HIRIP3: variants seen among roughly 807,000 people sequenced by gnomAD.
HIRIP3 encodes HIRA interacting protein 3.
Under a neutral mutation model 50.3 loss-of-function variants are expected in HIRIP3, and 40 were observed. The observed-to-expected ratio is 0.79, with a 90% CI of 0.62 to 1.03. The LOEUF (loss-of-function observed/expected upper bound fraction) is 1.03, where lower values mean the gene tolerates loss of function less well. HIRIP3 is among the 50% of genes least tolerant of loss of function. The probability of loss-of-function intolerance (pLI) is 0.00; values close to 1 mark genes in which losing one functional copy is unlikely to be tolerated. For missense variants in HIRIP3, 765 were observed against 705.4 expected (o/e 1.08, Z -0.96); for synonymous variants, 318 against 261.6 (o/e 1.22, Z -2.08).
Position 29,994,008 on chromosome 16 carries a change from C to T in HIRIP3, c.1137G>A (p.Gln379=), listed in dbSNP as rs1029292458. 3.7e-6 allele frequency: 6 copies of T among 1,600,480 alleles called. No homozygotes were observed. The highest frequency in any genetic ancestry group is 1.7e-6 in the Non-Finnish European group (2 of 1,172,978). The change falls in exon 4 of 7, where the codon CAG becomes CAA. Residue 379 remains glutamine, a synonymous_variant. Transcript: ENST00000279392. ...TGGAAGAGCGGTTCTTCCTCTCCCCCTGGGGGCCTCCCCCTGCCTCGCTGT... is the reference window on the plus strand; with the variant it reads ...TGGAAGAGCGGTTCTTCCTCTCCCCTTGGGGGCCTCCCCCTGCCTCGCTGT... The part of the protein sequence containing the change: ...VSDSEAGGGP[Q]GERKNRSSKK...
chr16:29,995,423 G>C lies in HIRIP3; in HGVS notation c.106C>G (p.His36Asp). ...GGCTCCAGGTGGCTGCGGCCCGAGTGAGCTAAGTACCTCCGCCGCACGATG... is the reference window on the plus strand; with the variant it reads ...GGCTCCAGGTGGCTGCGGCCCGAGTCAGCTAAGTACCTCCGCCGCACGATG... The part of the protein sequence containing the change: ...HSIVRRRYLA[H>D]SGRSHLEPEE... Residue 36 changes from histidine to aspartate, a missense_variant, in exon 2 of 7, where the codon CAC becomes GAC. Transcript: ENST00000279392. 6 of 1,613,790 alleles carry C rather than the reference G, an allele frequency of 3.7e-6. No individual in the cohort carries two copies. The highest frequency in any genetic ancestry group is 5.1e-6 in the Non-Finnish European group (6 of 1,179,920).
At position 29,994,090 on chromosome 16, in the gene HIRIP3, A is replaced by G. The variant is rs766526786; in HGVS notation, c.1055T>C (p.Met352Thr). The G allele has an allele frequency of 2.5e-6, 4 of 1,613,386 alleles. No individual in the cohort carries two copies. Among genetic ancestry groups the G allele is most frequent in the South Asian group, 1.1e-5 (1 of 90,978 alleles). ...GEPTAKGSRK[M>T]ARLGSTSGEE... Reference sequence around the variant, plus strand: ...ACCACTGGTGCTGCCCAGTCTGGCCATCTTTCTAGAGCCTTTAGCTGTGGG... The same window carrying G: ...ACCACTGGTGCTGCCCAGTCTGGCCGTCTTTCTAGAGCCTTTAGCTGTGGG... Residue 352 changes from methionine (M) to threonine (T), a missense_variant, in exon 4 of 7, where the codon ATG becomes ACG. By Grantham distance (81) the Met-to-Thr change is moderately conservative. Transcript: ENST00000279392.
Position 29,995,142 on chromosome 16 carries a change from C to T in HIRIP3, c.262G>A (p.Asp88Asn), listed in dbSNP as rs145562651. 1.1e-5 allele frequency: 17 copies of T among 1,614,104 alleles called. No homozygotes were observed. In the African/African-American group the frequency reaches 1.7e-4, roughly 16 times the overall value. ...AAGCGGAACCTTTTTCTCTCCGGGT[C>T]GCTACAAGGGGTGGGAGGCCTCTTG... Reference protein sequence around the residue: ...KGKRPPTPCSDPERKRFRFNS... With the variant: ...KGKRPPTPCSNPERKRFRFNS... Residue 88 changes from aspartate (D) to asparagine (N), a missense_variant, in exon 3 of 7, where the codon GAC becomes AAC. By Grantham distance (23) the Asp-to-Asn change is conservative. Transcript: ENST00000279392.
chr16:29,995,288 C>G, intron 2 of HIRIP3, 55 bp downstream of exon 2: 3 of 1,610,128 alleles, frequency 1.9e-6, no homozygotes, highest in Non-Finnish European at 2.5e-6. Flanking sequence ...GCCCCTCCTC[C>G]TCAGCAGCAA....
Position 29,995,461 on chromosome 16 carries a change from G to T in HIRIP3, c.68C>A (p.Thr23Lys). The T allele has an allele frequency of 6.2e-7, 1 of 1,613,692 alleles. No individual in the cohort carries two copies. The highest frequency in any genetic ancestry group is 8.5e-7 in the Non-Finnish European group (1 of 1,179,798). ...CCGCCGCACGATGGAATGCGTAAGCGTGCTGCAGGGACATGGTGTCAGGAC... is the reference window on the plus strand; with the variant it reads ...CCGCCGCACGATGGAATGCGTAAGCTTGCTGCAGGGACATGGTGTCAGGAC... ...SFFRGRPDLS[T>K]LTHSIVRRRY... Residue 23 changes from threonine to lysine, a missense_variant and splice_region_variant, in exon 2 of 7, where the codon ACG becomes AAG. Thr to Lys is a moderately conservative substitution (Grantham distance 78). Coordinates refer to ENST00000279392, the MANE Select transcript of HIRIP3 (RefSeq NM_003609.5).
In HIRIP3 at chr16:29,994,719, GCT is replaced by G. The variant is rs868262583; in HGVS notation, c.424_425del (p.Ser142GlnfsTer2). The G allele has an allele frequency of 1.2e-6, 2 of 1,613,908 alleles. No individual in the cohort carries two copies. Among genetic ancestry groups the G allele is most frequent in the African/African-American group, 2.7e-5 (2 of 74,874 alleles). On this transcript the variant is annotated frameshift_variant, in exon 4 of 7. Coordinates refer to ENST00000279392, the MANE Select transcript of HIRIP3 (RefSeq NM_003609.5). LOFTEE classifies it high-confidence loss of function. ...PRRASKAVEE[S>X]SDEERQRDLP... ...GGTCCCTCTGCCGTTCCTCATCACT[GCT>G]CTCCTCAACTGCCTTTGAGGCTCGC...
chr16:29,993,552 G>A lies in HIRIP3; in HGVS notation c.1414C>T (p.Pro472Ser), dbSNP rs369576645. 1.4e-5 allele frequency: 23 copies of A among 1,613,352 alleles called. No homozygotes were observed. The highest frequency in any genetic ancestry group is 1.9e-5 in the Non-Finnish European group (23 of 1,179,516). The change falls in exon 6 of 7, where the codon CCT becomes TCT. Residue 472 changes from proline to serine, a missense_variant. By Grantham distance (74) the Pro-to-Ser change is moderately conservative (BLOSUM62 -1). Coordinates refer to ENST00000279392, the MANE Select transcript of HIRIP3 (RefSeq NM_003609.5). ...ELEALGMKGT[P>S]SLGKCRALKE... ...AGGGCCCGACACTTCCCTAGGGAAG[G>A]GGTACCTGGGGCAGAAGAAGCTGGT... is the stretch of plus-strand genomic sequence containing the variant.
Position 29,994,277 on chromosome 16 carries a change from C to T in HIRIP3, c.868G>A (p.Asp290Asn), listed in dbSNP as rs1464780223. ...GCCTCTTTCTGCTCTTCCTCGCTGT[C>T]TGAGTCTCCCAAGAGCCTCTTTGCC... ...SQAKRLLGDSDSEEEQKEAAS... is the reference protein window; with the variant it reads ...SQAKRLLGDSNSEEEQKEAAS... Residue 290 changes from aspartate (D) to asparagine (N), a missense_variant, in exon 4 of 7, where the codon GAC becomes AAC. By Grantham distance (23) the Asp-to-Asn change is conservative (BLOSUM62 1). Coordinates refer to ENST00000279392, the MANE Select transcript of HIRIP3 (RefSeq NM_003609.5). 6.2e-7 allele frequency: 1 copy of T among 1,614,214 alleles called. No individual in the cohort carries two copies. The highest frequency in any genetic ancestry group is 8.5e-7 in the Non-Finnish European group (1 of 1,180,042).
chr16:29,995,760 C>A, upstream of HIRIP3: 1 of 853,356 alleles, frequency 1.2e-6, no homozygotes, highest in Admixed American at 2.5e-5. Flanking sequence ...AGAACTTTGC[C>A]AGACGAGACT....
At chr16:29,995,727 T>C (rs776986383), upstream of HIRIP3, 62 of 1,288,094 alleles carry the variant, frequency 4.8e-5, no homozygotes, top group Non-Finnish European at 5.2e-5. Context: ...CCGTTGGCCC[T>C]TGGCCGCGGA....
chr16:29,993,432 C>A, intron 6 of HIRIP3, 27 bp downstream of exon 6: 2 of 1,602,124 alleles, frequency 1.2e-6, no homozygotes, highest in Non-Finnish European at 1.7e-6. Context: ...CCTATCTGCT[C>A]CTGGGCAGTG....
Position 29,995,179 on chromosome 16 carries a change from A to G in HIRIP3, c.225T>C (p.Leu75=), listed in dbSNP as rs2070061462. 6.2e-7 allele frequency: 1 copy of G among 1,614,238 alleles called. No individual in the cohort carries two copies. The highest frequency in any genetic ancestry group is 8.5e-7 in the Non-Finnish European group (1 of 1,180,042). The change falls in exon 3 of 7, where the codon CTT becomes CTC. Residue 75 remains leucine (L), a synonymous_variant. Transcript: ENST00000279392. ...EAASREDKLD[L]TKKGKRPPTP... ...TGGGAGGCCTCTTGCCCTTCTTGGT[A>G]AGGTCCAGTTTGTCTTCCCTGGAAG... is the stretch of plus-strand genomic sequence containing the variant.
upstream of HIRIP3, chr16:29,995,796 C>T (rs899840565): frequency 6.1e-6 from 4 of 653,380 alleles, no homozygotes; most frequent in East Asian, 1.1e-4. Context: ...GTTGGAGGGT[C>T]TCGCGGCTCC....
Position 29,993,992 on chromosome 16 carries a change from G to A in HIRIP3, c.1153C>T (p.Arg385Cys), listed in dbSNP as rs777782061. Reference protein sequence around the residue: ...GGGPQGERKNRSSKKSSRKGR... With the variant: ...GGGPQGERKNCSSKKSSRKGR... ...TTCCTGGAGCTCTTCTTGGAAGAGCGGTTCTTCCTCTCCCCCTGGGGGCCT... is the reference window on the plus strand; with the variant it reads ...TTCCTGGAGCTCTTCTTGGAAGAGCAGTTCTTCCTCTCCCCCTGGGGGCCT... Residue 385 changes from arginine (R) to cysteine (C), a missense_variant, in exon 4 of 7, where the codon CGC becomes TGC. Coordinates refer to ENST00000279392, the MANE Select transcript of HIRIP3 (RefSeq NM_003609.5). 17 of 1,583,624 alleles carry A rather than the reference G, an allele frequency of 1.1e-5. No homozygotes were observed. Among genetic ancestry groups the A allele is most frequent in the East Asian group, 4.5e-5 (2 of 44,664 alleles).
rs2070069427 is a variant in HIRIP3 at position 29,995,397 on chromosome 16, G to A, written c.132C>T (p.Pro44=). The A allele has an allele frequency of 5.0e-6, 8 of 1,613,414 alleles. No individual in the cohort carries two copies. Among genetic ancestry groups the A allele is most frequent in the African/African-American group, 1.3e-5 (1 of 74,932 alleles). Residue 44 remains proline (P), a synonymous_variant, in exon 2 of 7, where the codon CCC becomes CCT. Transcript: ENST00000279392. Reference sequence around the variant, plus strand: ...GCCGCTTCAGTGCCTGCTTCTCCTCGGGCTCCAGGTGGCTGCGGCCCGAGT... The same window carrying A: ...GCCGCTTCAGTGCCTGCTTCTCCTCAGGCTCCAGGTGGCTGCGGCCCGAGT... ...LAHSGRSHLE[P]EEKQALKRLV...
chr16:29,995,357 G>A lies in HIRIP3; in HGVS notation c.172C>T (p.Leu58=). The change falls in exon 2 of 7, where the codon CTG becomes TTG. Residue 58 remains leucine (L), a synonymous_variant. Coordinates refer to ENST00000279392, the MANE Select transcript of HIRIP3 (RefSeq NM_003609.5). ...GCCCGGCACACCTGCATCTTCAGCA[G>A]CTCCTCCTCCACCAGCCGCTTCAGT... is the stretch of plus-strand genomic sequence containing the variant. The part of the protein sequence containing the change: ...QALKRLVEEE[L]LKMQVDEAAS... 12 of 1,611,458 alleles carry A rather than the reference G, an allele frequency of 7.4e-6. No individual in the cohort carries two copies. The highest frequency in any genetic ancestry group is 1.0e-5 in the Non-Finnish European group (12 of 1,179,050).
At position 29,993,652 on chromosome 16, in the gene HIRIP3, G is replaced by C. The variant is rs764984091; in HGVS notation, c.1396C>G (p.Leu466Val). ...CGCCGGGCCTCACCCTTCATGCCTA[G>C]CGCTTCCAGTTCTGCCCGGAGGATA... ...LSILRAELEA[L>V]GMKGTPSLGK... The change falls in exon 5 of 7, where the codon CTA becomes GTA. Residue 466 changes from leucine (L) to valine (V), a missense_variant. Leu to Val is a conservative substitution (Grantham distance 32). Transcript: ENST00000279392. 1 of 1,612,272 alleles carries C rather than the reference G, an allele frequency of 6.2e-7. No homozygotes were observed. The highest frequency in any genetic ancestry group is 8.5e-7 in the Non-Finnish European group (1 of 1,179,972).
At chr16:29,996,066 C>A (rs1464978743), upstream of HIRIP3, 2 of 598,658 alleles carry the variant, frequency 3.3e-6, no homozygotes, top group Admixed American at 3.0e-5. Context: ...CAGCGTCCGC[C>A]ATTTTTGTGG....
chr16:29,993,169 G>T lies in HIRIP3; in HGVS notation c.*38C>A. On this transcript the variant is annotated 3_prime_UTR_variant, in exon 7 of 7. Transcript: ENST00000279392. The stretch of plus-strand genomic sequence containing the variant: ...GGGCAAGGGGTGCTATGTATGCTTT[G>T]TACATGTATCAAGGGTCCCTCCTGG... The T allele has an allele frequency of 1.3e-6, 2 of 1,546,794 alleles. No individual in the cohort carries two copies. The highest frequency in any genetic ancestry group is 1.7e-6 in the Non-Finnish European group (2 of 1,146,126).
Sources: gnomAD v4.1 joint callset for allele counts on GRCh38, gnomAD v4.1.1 for gene constraint, MANE v1.5 for transcripts, NCBI Gene and HGNC (gene_info 2026-07-23, HGNC 2026-07-21) for gene names.